CDS1: variants seen among roughly 807,000 people sequenced by gnomAD.
The protein encoded by CDS1 is phosphatidate cytidylyltransferase 1.
Under a neutral mutation model 62.1 loss-of-function variants are expected in CDS1, and 41 were observed. The observed-to-expected ratio is 0.66, with a 90% CI of 0.51 to 0.86. CDS1 has a LOEUF of 0.86. Ranked by LOEUF, CDS1 falls within the 40% of genes least tolerant of loss-of-function variation. CDS1 has a pLI of 0.00. For missense variants in CDS1, 470 were observed against 550.1 expected, an observed-to-expected ratio of 0.85 and a Z score of 1.46; for synonymous variants, 185 against 192.6, an observed-to-expected ratio of 0.96 and a Z score of 0.32.
At chr4:84,648,325 A>G (rs1298215351) in intron 12 of CDS1, among the ~76,000 whole-genome samples, 5 of 152,028 alleles carry the variant, frequency 3.3e-5, no homozygotes, top group African/African-American at 1.2e-4. Flanking sequence ...CACCCCTTCA[A>G]TTGACTTACA....
chr4:84,590,790 A>G (rs1722570334), intron 1 of CDS1, among the ~76,000 whole-genome samples: 1 of 152,214 alleles, frequency 6.6e-6, no homozygotes, highest in Non-Finnish European at 1.5e-5. Flanking sequence ...TTTGACAGGA[A>G]TTCTCATTGC....
intron 7 of CDS1, among the ~76,000 whole-genome samples, chr4:84,634,505 G>T (rs1380879164): frequency 6.6e-6 from 1 of 151,888 alleles, no homozygotes; most frequent in Non-Finnish European, 1.5e-5. Context: ...TGGAGAAAAA[G>T]CTTAAGATTA....
At chr4:84,615,896 A>G (rs976003331) in intron 3 of CDS1, among the ~76,000 whole-genome samples, 1 of 152,180 alleles carries the variant, frequency 6.6e-6, no homozygotes, top group African/African-American at 2.4e-5. Context: ...AAGGATTTCA[A>G]CACTACTATT....
At chr4:84,586,017 C>T (rs1722407350) in intron 1 of CDS1, among the ~76,000 whole-genome samples, 1 of 152,090 alleles carries the variant, frequency 6.6e-6, no homozygotes, top group Admixed American at 6.6e-5. Flanking sequence ...CTGGGACTCA[C>T]CAGGTTTACA....
rs147569617 is a variant in CDS1, at chr4:84,623,608, T to G, written c.580+4075T>G. Among the ~76,000 whole-genome samples, 8 of 152,340 alleles carry G rather than the reference T, an allele frequency of 5.3e-5. No homozygotes were observed. In the East Asian group the frequency reaches 1.5e-3, roughly 29 times the overall value. ...TCTTGTGGGGCTTCCCCTTAATTTA[T>G]TTTAATGTTATTTTGCAGGGATACC... On this transcript the variant is annotated intron_variant, in intron 5 of 12. Transcript: ENST00000295887.
intron 8 of CDS1, among the ~76,000 whole-genome samples, chr4:84,636,353 GAC>G (rs1200430924): frequency 6.6e-6 from 1 of 152,116 alleles, no homozygotes; most frequent in Non-Finnish European, 1.5e-5. Flanking sequence ...CACATGAGTA[GAC>G]CATGTTGTTT....
At chr4:84,620,599 A>G (rs888585431) in intron 5 of CDS1, among the ~76,000 whole-genome samples, 4 of 152,070 alleles carry the variant, frequency 2.6e-5, no homozygotes, top group Non-Finnish European at 4.4e-5. Context: ...TGTAATTTTT[A>G]AATTAAAAAT....
intron 2 of CDS1, among the ~76,000 whole-genome samples, chr4:84,608,158 A>G (rs1239086631): frequency 1.3e-5 from 2 of 152,186 alleles, no homozygotes; most frequent in African/African-American, 4.8e-5. Context: ...GGAGCAAAGA[A>G]AGGCCCAAGG....
At chr4:84,634,671 CTGTG>C (rs1327102033) in intron 7 of CDS1, among the ~76,000 whole-genome samples, 1 of 151,674 alleles carries the variant, frequency 6.6e-6, no homozygotes, top group East Asian at 1.9e-4. Context: ...GTGTGTGTCT[CTGTG>C]TGTATGTGCG....
intron 1 of CDS1, among the ~76,000 whole-genome samples, chr4:84,597,352 A>C (rs926485809): frequency 1.3e-5 from 2 of 152,224 alleles, no homozygotes; most frequent in African/African-American, 4.8e-5. Flanking sequence ...TATAAAATAC[A>C]GTGTTGTGGG....
chr4:84,583,334 A>G lies in CDS1; in HGVS notation c.-68A>G. 4 of 1,195,022 alleles carry G rather than the reference A, an allele frequency of 3.3e-6. No individual in the cohort carries two copies. The highest frequency in any genetic ancestry group is 1.2e-6 in the Non-Finnish European group (1 of 826,794). 74.0% of individuals were successfully genotyped at this position (1,195,022 alleles called of 1,614,324 possible). On this transcript the variant is annotated 5_prime_UTR_variant, in exon 1 of 13. Transcript: ENST00000295887. ...CGAGGTGGCGGGGCGCCCCGCCTGC[A>G]GAACCCTGCTTGCAGCTCAGGTTTC...
chr4:84,620,316 A>G (rs1188192196), intron 5 of CDS1, among the ~76,000 whole-genome samples: 3 of 137,604 alleles, frequency 2.2e-5, no homozygotes, highest in Non-Finnish European at 4.5e-5. Context: ...TCCACCTCCC[A>G]GGTCCACGCC....
At chr4:84,647,532 A>G (rs1326147000) in intron 12 of CDS1, among the ~76,000 whole-genome samples, 1 of 152,136 alleles carries the variant, frequency 6.6e-6, no homozygotes, top group African/African-American at 2.4e-5. Flanking sequence ...GAACTTGCTA[A>G]AGCAGCCTTC....
At chr4:84,630,900 T>C (rs1309978839) in intron 5 of CDS1, among the ~76,000 whole-genome samples, 6 of 152,226 alleles carry the variant, frequency 3.9e-5, no homozygotes, top group African/African-American at 1.4e-4. Context: ...TCCACCTCTG[T>C]AAAATAAACC....
intron 2 of CDS1, among the ~76,000 whole-genome samples, chr4:84,608,793 G>T (rs1723214048): frequency 6.6e-6 from 1 of 151,944 alleles, no homozygotes; most frequent in African/African-American, 2.4e-5. Flanking sequence ...CCCTCCATGT[G>T]GTCCCTGGTG....
At chr4:84,625,480 GA>G (rs1325638070) in intron 5 of CDS1, among the ~76,000 whole-genome samples, 2 of 152,146 alleles carry the variant, frequency 1.3e-5, no homozygotes, top group Admixed American at 1.3e-4. Flanking sequence ...TTTGAGAAGA[GA>G]TGACAGGTTT....
chr4:84,589,311 C>T (rs1056300225), intron 1 of CDS1, among the ~76,000 whole-genome samples: 1 of 152,130 alleles, frequency 6.6e-6, no homozygotes, highest in African/African-American at 2.4e-5. Context: ...GGATACAATC[C>T]GAGATTCAAC....
Position 84,648,895 on chromosome 4 carries a change from G to C in CDS1, c.*209G>C, listed in dbSNP as rs900784790. The C allele has an allele frequency of 3.9e-5, 18 of 456,668 alleles. No individual in the cohort carries two copies. The highest frequency in any genetic ancestry group is 6.5e-5 in the Non-Finnish European group (17 of 262,094). 28.3% of individuals were successfully genotyped at this position (456,668 alleles called of 1,614,324 possible). A position where few individuals can be genotyped will look rare whatever the true frequency, so the allele number is the denominator to read the frequency against. On this transcript the variant is annotated 3_prime_UTR_variant, in exon 13 of 13. Transcript: ENST00000295887. ...TAGCAAATTGCCAGCAAAATGTCTT[G>C]TACCTTTTCTAAAGTGTATTTTCTG...
chr4:84,599,405 C>CAT (rs59313355), intron 1 of CDS1, among the ~76,000 whole-genome samples: 306 of 24,568 alleles, frequency 0.012, 1 homozygote, highest in African/African-American at 0.027. Context: ...CACACACACA[C>CAT]ATATATATAT....
Sources: gnomAD v4.1 joint callset for allele counts (sites outside exome capture counted in the v4.1 genomes callset) on GRCh38, gnomAD v4.1.1 for gene constraint, MANE v1.5 for transcripts, NCBI Gene and HGNC (gene_info 2026-07-23, HGNC 2026-07-21) for gene names.